The following CYB5R4 variants were observed in gnomAD, a reference collection of about 807,000 sequenced individuals.
CYB5R4 encodes the protein cytochrome b5 reductase 4, also known as N-terminal cytochrome b5 and cytochrome b5 oxidoreductase domain-containing protein.
A neutral mutation model predicts 70.2 loss-of-function variants in CYB5R4; 55 were observed. The observed-to-expected ratio is 0.78, with a 90% CI of 0.63 to 0.98. The LOEUF (loss-of-function observed/expected upper bound fraction) is 0.98, where lower values mean the gene tolerates loss of function less well. Among genes scored for constraint, CYB5R4 ranks in the 50% least tolerant of loss-of-function variants. The probability of loss-of-function intolerance (pLI) is 0.00; values close to 1 mark genes in which losing one functional copy is unlikely to be tolerated. For synonymous variants in CYB5R4, 197 were observed against 199.5 expected, an observed-to-expected ratio of 0.99 and a Z score of 0.11; for missense variants, 562 against 612.6, an observed-to-expected ratio of 0.92 and a Z score of 0.87.
chr6:83,910,556 C>T (rs1167837670), intron 4 of CYB5R4, among the ~76,000 whole-genome samples: 1 of 152,122 alleles, frequency 6.6e-6, no homozygotes, highest in Non-Finnish European at 1.5e-5. Flanking sequence ...CAGATGCAGA[C>T]CTAAACAGGA....
chr6:83,874,736 C>T (rs1391527726), intron 2 of CYB5R4, among the ~76,000 whole-genome samples: 40 of 152,092 alleles, frequency 2.6e-4, no homozygotes, highest in Non-Finnish European at 8.8e-5. Flanking sequence ...CTTTCTTCCT[C>T]TGTACCTGGT....
intron 3 of CYB5R4, among the ~76,000 whole-genome samples, chr6:83,902,557 A>C (rs2099463148): frequency 6.6e-6 from 1 of 152,314 alleles, no homozygotes; most frequent in East Asian, 1.9e-4. Flanking sequence ...TTCTGTGAAA[A>C]ATAACAGTGG....
chr6:83,898,390 G>GT (rs1437281697), intron 3 of CYB5R4, among the ~76,000 whole-genome samples: 1 of 152,160 alleles, frequency 6.6e-6, no homozygotes, highest in Non-Finnish European at 1.5e-5. Flanking sequence ...TTTGAAGTCA[G>GT]GTAGCATGAT....
At chr6:83,866,972 A>G (rs1331635784) in intron 2 of CYB5R4, among the ~76,000 whole-genome samples, 1 of 152,134 alleles carries the variant, frequency 6.6e-6, no homozygotes, top group Non-Finnish European at 1.5e-5. Flanking sequence ...ATCTATAGTA[A>G]GATGTTTTCC....
chr6:83,910,034 C>CGCAT (rs746473561), intron 4 of CYB5R4: 2 of 1,611,720 alleles, frequency 1.2e-6, no homozygotes, highest in African/African-American at 1.3e-5. Context: ...TAAGCTGGTA[C>CGCAT]GCATGCATTG....
At chr6:83,904,061 A>C (rs1244284883) in intron 3 of CYB5R4, among the ~76,000 whole-genome samples, 2 of 151,688 alleles carry the variant, frequency 1.3e-5, no homozygotes, top group Non-Finnish European at 2.9e-5. Context: ...GACAGTTATT[A>C]TTTCTTTTCT....
chr6:83,957,393 G>A (rs900497052), intron 15 of CYB5R4, among the ~76,000 whole-genome samples: 3 of 151,978 alleles, frequency 2.0e-5, no homozygotes, highest in African/African-American at 4.8e-5. Flanking sequence ...GGCCAAGGCA[G>A]GTGGATCACC....
chr6:83,898,776 G>A (rs1218889807), intron 3 of CYB5R4, among the ~76,000 whole-genome samples: 2 of 151,970 alleles, frequency 1.3e-5, no homozygotes, highest in East Asian at 1.9e-4. Context: ...GTCTGTTATT[G>A]GTGTATAAGA....
chr6:83,911,920 A>G (rs914368647), intron 4 of CYB5R4, among the ~76,000 whole-genome samples: 2 of 151,822 alleles, frequency 1.3e-5, no homozygotes, highest in Non-Finnish European at 2.9e-5. Context: ...AACCAGGCCT[A>G]GTGGTGCATG....
intron 10 of CYB5R4, 115 bp downstream of exon 10, chr6:83,924,707 T>A: frequency 9.2e-7 from 1 of 1,091,542 alleles, no homozygotes; most frequent in Non-Finnish European, 1.3e-6. Flanking sequence ...TCCTTGTATC[T>A]ACTGCTAGGA....
chr6:83,870,971 C>CTTTTT (rs759131653), intron 2 of CYB5R4, among the ~76,000 whole-genome samples: 43 of 88,588 alleles, frequency 4.9e-4, no homozygotes, highest in African/African-American at 8.4e-4. Context: ...TCATTGTTTG[C>CTTTTT]TTTTTTTTTT....
At chr6:83,932,812 C>T (rs192831372) in intron 10 of CYB5R4, among the ~76,000 whole-genome samples, 5 of 152,280 alleles carry the variant, frequency 3.3e-5, no homozygotes, top group Non-Finnish European at 5.9e-5. Context: ...AGACCCTACT[C>T]ATTGTCAGAC....
At chr6:83,936,994 G>T (rs951190155) in intron 12 of CYB5R4, among the ~76,000 whole-genome samples, 66 of 152,218 alleles carry the variant, frequency 4.3e-4, no homozygotes, top group Non-Finnish European at 8.5e-4. Flanking sequence ...CCAAACATGG[G>T]CTGGGTGCGG....
rs751309572 is a variant in CYB5R4, at chr6:83,936,329, TC to T, written c.1062del (p.Tyr355IlefsTer21). ...NNKYIYFLIK[I>X]YPTGLFTPEL... The stretch of plus-strand genomic sequence containing the variant: ...AAATACATCTACTTTTTGATAAAAA[TC>T]TATCCCACTGGACTCTTCACACCAG... On this transcript the variant is annotated frameshift_variant, in exon 12 of 16. Coordinates refer to ENST00000369681, the MANE Select transcript of CYB5R4 (RefSeq NM_016230.4). LOFTEE classifies it high-confidence loss of function. The T allele has an allele frequency of 1.9e-6, 3 of 1,612,672 alleles. No homozygotes were observed. The South Asian group carries it at 3.3e-5, about 18-fold the overall frequency.
At chr6:83,864,392 T>C (rs2099456437) in intron 2 of CYB5R4, 64 bp downstream of exon 2, 3 of 1,412,758 alleles carry the variant, frequency 2.1e-6, no homozygotes, top group African/African-American at 2.9e-5. Flanking sequence ...TGATGTTACA[T>C]AACCTCACAG....
chr6:83,936,044 G>A (rs1024921440), intron 11 of CYB5R4, among the ~76,000 whole-genome samples, 180 bp from the exon 12 acceptor site: 14 of 151,676 alleles, frequency 9.2e-5, no homozygotes, highest in Admixed American at 4.6e-4. Context: ...AAATTGTTTC[G>A]GCACACATAG....
At position 83,893,527 on chromosome 6, in the gene CYB5R4, G is replaced by A. The variant is rs762100421; in HGVS notation, c.235G>A (p.Val79Ile). Reference protein sequence around the residue: ...DDCWICIRGFVYNVSPYMEYH... With the variant: ...DDCWICIRGFIYNVSPYMEYH... Reference sequence around the variant, plus strand: ...TTCTGTTTGCTTTGGTACAGGTTTCGTTTATAATGTCAGCCCTTATATGGA... The same window carrying A: ...TTCTGTTTGCTTTGGTACAGGTTTCATTTATAATGTCAGCCCTTATATGGA... Residue 79 changes from valine to isoleucine, a missense_variant, in exon 3 of 16, where the codon GTT becomes ATT. Physicochemically the swap from Val to Ile is conservative, Grantham distance 29. Transcript: ENST00000369681. 25 of 1,598,690 alleles carry A rather than the reference G, an allele frequency of 1.6e-5. No homozygotes were observed. The highest frequency in any genetic ancestry group is 3.3e-5 in the South Asian group (3 of 89,560).
intron 6 of CYB5R4, 27 bp from the exon 7 acceptor site, chr6:83,919,370 A>T (rs746645217): frequency 7.8e-7 from 1 of 1,278,722 alleles, no homozygotes; most frequent in Middle Eastern, 1.9e-4. Flanking sequence ...CAATATAATT[A>T]TTCATCCTTT....
rs112119835 is a variant in CYB5R4 at position 83,956,598 on chromosome 6, C to A, written c.1511+1136C>A. The stretch of plus-strand genomic sequence containing the variant: ...TCAGACCTTTAAAAGGTACTAGACT[C>A]TTAGTTAACCTCTTCAGGATTGGAC... On this transcript the variant is annotated intron_variant, in intron 15 of 15. Coordinates refer to ENST00000369681, the MANE Select transcript of CYB5R4 (RefSeq NM_016230.4). 6.9e-3 allele frequency among the ~76,000 whole-genome samples: 1,053 copies of A among 152,174 alleles called. 19 individuals carry two copies. Among genetic ancestry groups the A allele is most frequent in the African/African-American group, 0.024 (1,015 of 41,504 alleles).
Sources: gnomAD v4.1 joint callset for allele counts (sites outside exome capture counted in the v4.1 genomes callset) on GRCh38, gnomAD v4.1.1 for gene constraint, MANE v1.5 for transcripts, NCBI Gene and HGNC (gene_info 2026-07-23, HGNC 2026-07-21) for gene names.